GAS7: variants seen among roughly 807,000 people sequenced by gnomAD.
GAS7 encodes the protein growth arrest specific 7.
In GAS7, 28 loss-of-function variants were observed where a neutral mutation model predicts 71.1. The observed-to-expected ratio is 0.39, with a 90% confidence interval of 0.29 to 0.54. GAS7 has a LOEUF of 0.54. GAS7 is among the 20% of genes least tolerant of loss of function. The probability of loss-of-function intolerance (pLI) is 0.62; values close to 1 mark genes in which losing one functional copy is unlikely to be tolerated. For missense variants in GAS7, 436 were observed against 627.8 expected, an observed-to-expected ratio of 0.69 and a Z score of 3.27; for synonymous variants, 258 against 245.8, an observed-to-expected ratio of 1.05 and a Z score of -0.46.
At chr17:10,192,905 C>A (rs758029201) in intron 1 of GAS7, among the ~76,000 whole-genome samples, 3 of 152,130 alleles carry the variant, frequency 2.0e-5, no homozygotes, top group African/African-American at 7.2e-5. Context: ...CAATTACCCA[C>A]CCCTCCGAGC....
intron 1 of GAS7, among the ~76,000 whole-genome samples, chr17:10,033,900 C>CTCCGAGAGATGGTTCCTGAT (rs753542886): frequency 3.0e-4 from 46 of 152,362 alleles, no homozygotes; most frequent in Non-Finnish European, 5.6e-4. Context: ...AGACTTCTGA[C>CTCCGAGAGATGGTTCCTGAT]TCCGAGAGAT....
intron 1 of GAS7, among the ~76,000 whole-genome samples, chr17:10,130,825 A>G (rs904529626): frequency 1.3e-5 from 2 of 152,236 alleles, no homozygotes; most frequent in Admixed American, 6.5e-5. Flanking sequence ...ATGGAAATAG[A>G]TAAGTGGCCG....
At chr17:10,096,415 C>T (rs975218050) in intron 1 of GAS7, among the ~76,000 whole-genome samples, 5 of 152,162 alleles carry the variant, frequency 3.3e-5, no homozygotes, top group Non-Finnish European at 1.5e-5. Context: ...AAAATAACTT[C>T]TAATGGGCCC....
Position 10,142,428 on chromosome 17 carries a change from GC to G in GAS7, c.183+55779del, listed in dbSNP as rs568792642. Among the ~76,000 whole-genome samples, 180 of 152,228 alleles carry G rather than the reference GC, an allele frequency of 1.2e-3. No homozygotes were observed. In the Middle Eastern group the frequency reaches 0.017, roughly 14 times the overall value. ...CTGTTGACCAGGCTGGAGTGCAGTG[GC>G]ACGATCTTGGCTCACTGTAACCTCT... On this transcript the variant is annotated intron_variant, in intron 1 of 13. Coordinates refer to ENST00000432992, the MANE Select transcript of GAS7 (RefSeq NM_201433.2).
intron 4 of GAS7, among the ~76,000 whole-genome samples, chr17:9,965,923 G>A (rs950856582): frequency 2.6e-5 from 4 of 151,736 alleles, no homozygotes; most frequent in Non-Finnish European, 1.5e-5. Context: ...CCATGACATA[G>A]TATGGTGGGG....
intron 1 of GAS7, among the ~76,000 whole-genome samples, chr17:10,151,520 A>G (rs1428858589): frequency 1.3e-5 from 2 of 152,162 alleles, no homozygotes; most frequent in Non-Finnish European, 2.9e-5. Flanking sequence ...ATAAGAGTCT[A>G]TCATCAATCT....
chr17:9,929,089 GAATA>G (rs1291008338), intron 9 of GAS7, among the ~76,000 whole-genome samples: 6 of 152,108 alleles, frequency 3.9e-5, no homozygotes, highest in Admixed American at 3.3e-4. Context: ...GAGCTTACGA[GAATA>G]AATAAACCCC....
intron 6 of GAS7, among the ~76,000 whole-genome samples, chr17:9,945,356 C>T (rs1348956046): frequency 6.6e-6 from 1 of 151,924 alleles, no homozygotes; most frequent in Non-Finnish European, 1.5e-5. Flanking sequence ...ACCCTCCTTC[C>T]ACAAGCAGAA....
At chr17:10,164,581 C>A (rs1387516745) in intron 1 of GAS7, among the ~76,000 whole-genome samples, 1 of 151,654 alleles carries the variant, frequency 6.6e-6, no homozygotes, top group Non-Finnish European at 1.5e-5. Context: ...AGGAGGACTG[C>A]TTGAGCCTAG....
intron 2 of GAS7, among the ~76,000 whole-genome samples, chr17:9,995,648 C>T (rs2071013871): frequency 6.6e-6 from 1 of 152,040 alleles, no homozygotes; most frequent in Non-Finnish European, 1.5e-5. Flanking sequence ...TCCTTTGTGA[C>T]TGATAACCCC....
rs886699877 is a variant in GAS7, at chr17:9,918,154, TC to T, written c.1219-56del. On this transcript the variant is annotated intron_variant, in intron 12 of 13. Coordinates refer to ENST00000432992, the MANE Select transcript of GAS7 (RefSeq NM_201433.2). ...TGAGCACGTCCCCTCCACTTGGGGG[TC>T]CCCCCACCAAGACCACAAAACGCAA... 1.6e-5 allele frequency: 21 copies of T among 1,293,538 alleles called. No individual in the cohort carries two copies. In the African/African-American group the frequency reaches 2.2e-4, roughly 14 times the overall value. 80.1% of individuals were successfully genotyped at this position (1,293,538 alleles called of 1,614,324 possible). A position where few individuals can be genotyped will look rare whatever the true frequency, so the allele number is the denominator to read the frequency against.
chr17:10,090,059 C>T (rs530511218), intron 1 of GAS7, among the ~76,000 whole-genome samples: 1 of 152,020 alleles, frequency 6.6e-6, no homozygotes, highest in Non-Finnish European at 1.5e-5. Flanking sequence ...ATCCCAGCTA[C>T]TCGGGAGGCT....
rs961060838 is a variant in GAS7, at chr17:10,103,331, T to C, written c.184-83434A>G. On this transcript the variant is annotated intron_variant, in intron 1 of 13. Transcript: ENST00000432992. The surrounding 1 kb of genome is among the most constrained non-coding windows in gnomAD (Gnocchi z 5.5). The stretch of plus-strand genomic sequence containing the variant: ...ACTGTACTCCATCCAGTCTGGGTGA[T>C]AGGTTAAGACCCTGTCTCAAACAAA... Among the ~76,000 whole-genome samples the C allele has an allele frequency of 9.2e-5, 14 of 152,158 alleles. No individual in the cohort carries two copies. The highest frequency in any genetic ancestry group is 3.4e-4 in the African/African-American group (14 of 41,536).
intron 1 of GAS7, among the ~76,000 whole-genome samples, chr17:10,197,614 G>A (rs1353562490): frequency 6.6e-6 from 1 of 152,242 alleles, no homozygotes; most frequent in African/African-American, 2.4e-5. Flanking sequence ...TGGACCAGGG[G>A]AGCAGGCAGT....
At position 9,947,050 on chromosome 17, in the gene GAS7, C is replaced by G. The variant is rs1019225415; in HGVS notation, c.526-67G>C. 56 of 1,080,512 alleles carry G rather than the reference C, an allele frequency of 5.2e-5. No homozygotes were observed. The Middle Eastern group carries it at 6.0e-4, about 11-fold the overall frequency. The allele number at this position is 1,080,512 out of a possible 1,614,324, so 66.9% of individuals were successfully genotyped here. The stretch of plus-strand genomic sequence containing the variant: ...TGGAATAGCGAGGAAGGCTTCGGCT[C>G]CTGGGGGACACGGCACTGGAGCAGC... On this transcript the variant is annotated intron_variant, in intron 5 of 13. Coordinates refer to ENST00000432992, the MANE Select transcript of GAS7 (RefSeq NM_201433.2).
chr17:9,959,041 G>T lies in GAS7; in HGVS notation c.525+161C>A. 1 of 1,327,010 alleles carries T rather than the reference G, an allele frequency of 7.5e-7. No homozygotes were observed. Among genetic ancestry groups the T allele is most frequent in the Non-Finnish European group, 1.0e-6 (1 of 999,862 alleles). The allele number at this position is 1,327,010 out of a possible 1,614,324, so 82.2% of individuals were successfully genotyped here. ...GACAGGAGAAGGGGAGGTGGGAGGG[G>T]CATGTGGATGGGGAACTTGAGTGAA... On this transcript the variant is annotated intron_variant, in intron 5 of 13. Transcript: ENST00000432992. This position sits in a 1 kb window ranked among gnomAD's most constrained non-coding sequence, Gnocchi z 5.0.
chr17:10,115,183 T>C (rs9901916), intron 1 of GAS7, among the ~76,000 whole-genome samples: 101,698 of 152,126 alleles, frequency 0.67, 34,436 homozygotes, highest in African/African-American at 0.7. Flanking sequence ...GACGGGGGCT[T>C]ATGGGATGGA....
chr17:10,093,343 G>A (rs1308925553), intron 1 of GAS7, among the ~76,000 whole-genome samples: 5 of 152,056 alleles, frequency 3.3e-5, no homozygotes, highest in Admixed American at 2.6e-4. Context: ...TTTGGGAGGC[G>A]GGCAGATCAC....
At chr17:10,091,269 C>A (rs572943724) in intron 1 of GAS7, among the ~76,000 whole-genome samples, 1 of 152,032 alleles carries the variant, frequency 6.6e-6, no homozygotes. Context: ...GCTTAATGAG[C>A]ATGAGGTCTC....
Sources: gnomAD v4.1 joint callset for allele counts (sites outside exome capture counted in the v4.1 genomes callset) on GRCh38, gnomAD v4.1.1 for gene constraint, Gnocchi (gnomAD v3.1) non-coding constraint, MANE v1.5 for transcripts, NCBI Gene and HGNC (gene_info 2026-07-23, HGNC 2026-07-21) for gene names.